Variants in FGD5 observed in about 807,000 individuals in gnomAD.
FGD5 encodes the protein FYVE, RhoGEF and PH domain containing 5.
A neutral mutation model predicts 133.4 loss-of-function variants in FGD5; 28 were observed. That is an observed-to-expected ratio of 0.21 (90% confidence interval 0.16 to 0.29). The LOEUF is 0.29. Among genes scored for constraint, FGD5 ranks in the 10% least tolerant of loss-of-function variants. The pLI is 1.00. For missense variants in FGD5, 1,858 were observed against 1,895.2 expected, an observed-to-expected ratio of 0.98 and a Z score of 0.36; for synonymous variants, 810 against 776.5, an observed-to-expected ratio of 1.04 and a Z score of -0.72.
chr3:14,849,147 C>G (rs992529471), intron 1 of FGD5, among the ~76,000 whole-genome samples: 5 of 152,194 alleles, frequency 3.3e-5, no homozygotes, highest in Admixed American at 1.3e-4. Flanking sequence ...CTCAGTGTGT[C>G]CGTCTCTGTC....
chr3:14,831,415 G>A (rs1314062152), intron 1 of FGD5, among the ~76,000 whole-genome samples: 6 of 152,188 alleles, frequency 3.9e-5, no homozygotes, highest in Non-Finnish European at 5.9e-5. Context: ...TTCTTGGGGT[G>A]TAGAGAGGCT....
rs148685841 is a variant in FGD5, at chr3:14,913,839, C to G, written c.3405+2910C>G. On this transcript the variant is annotated intron_variant, in intron 11 of 19. Transcript: ENST00000285046. ...TCTTTGAGAAGGGTGCCAGCTCCTC[C>G]CCTTCAAGCCAAGCTCAGATAGCAC... Among the ~76,000 whole-genome samples, 322 of 152,286 alleles carry G rather than the reference C, an allele frequency of 2.1e-3. 4 individuals are homozygous for G. The highest frequency in any genetic ancestry group is 7.1e-3 in the African/African-American group (294 of 41,534).
At chr3:14,882,696 T>TG (rs904565906) in intron 4 of FGD5, among the ~76,000 whole-genome samples, 2 of 125,294 alleles carry the variant, frequency 1.6e-5, no homozygotes, top group African/African-American at 6.0e-5. Context: ...AGACTCTGTC[T>TG]GAAAAAAAAA....
At chr3:14,899,324 T>A (rs1575242423) in intron 7 of FGD5, among the ~76,000 whole-genome samples, 2 of 152,258 alleles carry the variant, frequency 1.3e-5, no homozygotes, top group South Asian at 4.2e-4. Context: ...CACTGCTCCA[T>A]AAACGTCAGA....
rs764559001 is a variant in FGD5 at position 14,843,243 on chromosome 3, C to T, written c.2526-20885C>T. Among the ~76,000 whole-genome samples the T allele has an allele frequency of 4.6e-5, 7 of 152,108 alleles. No individual in the cohort carries two copies. In the East Asian group the frequency reaches 7.7e-4, roughly 17 times the overall value. ...AGTACTTGGCACATAGCAGGGTCTC[C>T]ATATATAGTGAACGGAATTGCACTG... On this transcript the variant is annotated intron_variant, in intron 1 of 19. Coordinates refer to ENST00000285046, the MANE Select transcript of FGD5 (RefSeq NM_152536.4).
chr3:14,864,986 A>G (rs2037466206), intron 2 of FGD5, among the ~76,000 whole-genome samples: 5 of 152,200 alleles, frequency 3.3e-5, no homozygotes, highest in Admixed American at 2.6e-4. Context: ...GGTGAAGAGC[A>G]GGCCTAGGCA....
rs2125167055 is a variant in FGD5, at chr3:14,933,064, T to C, written c.4353-67T>C. On this transcript the variant is annotated intron_variant, in intron 19 of 19. Coordinates refer to ENST00000285046, the MANE Select transcript of FGD5 (RefSeq NM_152536.4). ...AGGAATCTACTAGTCCAGTCTTTTC[T>C]AGGTTCTGTGACCAGAGTCATAGGC... 3 of 1,559,854 alleles carry C rather than the reference T, an allele frequency of 1.9e-6. No homozygotes were observed. The South Asian group carries it at 3.4e-5, about 18-fold the overall frequency.
chr3:14,817,571 A>T (rs141010947), upstream of FGD5, among the ~76,000 whole-genome samples: 1 of 152,332 alleles, frequency 6.6e-6, no homozygotes, highest in East Asian at 1.9e-4. Context: ...CTCACATTCC[A>T]GGGACAGCCC....
At chr3:14,834,723 T>A (rs977945802) in intron 1 of FGD5, among the ~76,000 whole-genome samples, 6 of 152,198 alleles carry the variant, frequency 3.9e-5, no homozygotes, top group African/African-American at 1.4e-4. Flanking sequence ...AAATGGCTCC[T>A]GTTCATTTTT....
chr3:14,819,653 C>A lies in FGD5; in HGVS notation c.582C>A (p.Leu194=). 1 of 1,549,148 alleles carries A rather than the reference C, an allele frequency of 6.5e-7. No homozygotes were observed. The highest frequency in any genetic ancestry group is 1.2e-5 in the South Asian group (1 of 83,590). ...WAGEGVFQSD[L]LLPHIHGEDQ... ...GAGAGGGGGTCTTCCAGAGCGACCTCCTCCTGCCTCACATCCATGGAGAGG... is the reference window on the plus strand; with the variant it reads ...GAGAGGGGGTCTTCCAGAGCGACCTACTCCTGCCTCACATCCATGGAGAGG... Residue 194 remains leucine, a synonymous_variant, in exon 1 of 20, where the codon CTC becomes CTA. Transcript: ENST00000285046. The surrounding 1 kb of genome is among the most constrained non-coding windows in gnomAD (Gnocchi z 4.1).
chr3:14,846,135 C>T (rs929699323), intron 1 of FGD5, among the ~76,000 whole-genome samples: 1 of 152,156 alleles, frequency 6.6e-6, no homozygotes, highest in Non-Finnish European at 1.5e-5. Context: ...AGGGGCACAC[C>T]TGTCGTGTTA....
Position 14,921,988 on chromosome 3 carries a change from G to A in FGD5, c.3640G>A (p.Ala1214Thr). Residue 1214 changes from alanine to threonine, a missense_variant, in exon 14 of 20, where the codon GCG becomes ACG. Ala to Thr is a moderately conservative substitution (Grantham distance 58, BLOSUM62 0). Coordinates refer to ENST00000285046, the MANE Select transcript of FGD5 (RefSeq NM_152536.4). ...CCTCCCTGAGGACTACAAGGCCCAG[G>A]CGCTGGCTGCATTCCACCATAGCGT... is the stretch of plus-strand genomic sequence containing the variant. Reference protein sequence around the residue: ...RALPEDYKAQALAAFHHSVEI... With the variant: ...RALPEDYKAQTLAAFHHSVEI... 1 of 1,566,216 alleles carries A rather than the reference G, an allele frequency of 6.4e-7. No individual in the cohort carries two copies. The highest frequency in any genetic ancestry group is 1.2e-5 in the South Asian group (1 of 84,950).
intron 2 of FGD5, among the ~76,000 whole-genome samples, chr3:14,868,855 G>A (rs2037550612): frequency 6.6e-6 from 1 of 152,126 alleles, no homozygotes; most frequent in East Asian, 1.9e-4. Flanking sequence ...CAACATGCAA[G>A]CACCCTTTCA....
rs1363125820 is a variant in FGD5 at position 14,864,210 on chromosome 3, A to T, written c.2608A>T (p.Ser870Cys). The change falls in exon 2 of 20, where the codon AGC becomes TGC. Residue 870 changes from serine to cysteine, a missense_variant. Ser to Cys is a moderately radical substitution (Grantham distance 112). Around this residue, in one of 3 missense-constraint regions of FGD5, gnomAD observed 1,824 missense variants for 1,848.9 expected, o/e 0.99. Transcript: ENST00000285046. Reference sequence around the variant, plus strand: ...CCTTACGTCGGATGAAGAGCAGAGAAGCTCGGAGGAGGAGGACAGTGCTTC... The same window carrying T: ...CCTTACGTCGGATGAAGAGCAGAGATGCTCGGAGGAGGAGGACAGTGCTTC... ...EDLTSDEEQR[S>C]SEEEDSASRD... The T allele has an allele frequency of 1.2e-6, 2 of 1,614,042 alleles. No individual in the cohort carries two copies. Among genetic ancestry groups the T allele is most frequent in the South Asian group, 2.2e-5 (2 of 91,084 alleles).
Position 14,819,270 on chromosome 3 carries a change from G to A in FGD5, c.199G>A (p.Val67Met), listed in dbSNP as rs1477801496. 3 of 1,533,482 alleles carry A rather than the reference G, an allele frequency of 2.0e-6. No homozygotes were observed. The highest frequency in any genetic ancestry group is 2.0e-5 in the Admixed American group (1 of 49,278). The allele number at this position is 1,533,482 out of a possible 1,614,324, so 95.0% of individuals were successfully genotyped here. A position where few individuals can be genotyped will look rare whatever the true frequency, so the allele number is the denominator to read the frequency against. Residue 67 changes from valine to methionine, a missense_variant, in exon 1 of 20, where the codon GTG becomes ATG. Val to Met is a conservative substitution (Grantham distance 21, BLOSUM62 1). This residue lies in a region of FGD5 where 1,824 missense variants were observed against 1,848.9 expected (regional missense o/e 0.99). Coordinates refer to ENST00000285046, the MANE Select transcript of FGD5 (RefSeq NM_152536.4). The surrounding 1 kb of genome is among the most constrained non-coding windows in gnomAD (Gnocchi z 4.1). The stretch of plus-strand genomic sequence containing the variant: ...GTCGGAGACCGACGAGGATTACATC[G>A]TGGTCCCCAGGGTTCCGCTGAGGGA... The part of the protein sequence containing the change: ...SESETDEDYI[V>M]VPRVPLREDE...
chr3:14,881,459 C>G (rs2037823181), intron 4 of FGD5, among the ~76,000 whole-genome samples: 1 of 152,140 alleles, frequency 6.6e-6, no homozygotes, highest in South Asian at 2.1e-4. Flanking sequence ...AGCTGTCTGG[C>G]CAGCAAAGGG....
intron 11 of FGD5, among the ~76,000 whole-genome samples, chr3:14,915,418 C>T (rs2038533789): frequency 2.0e-5 from 3 of 152,252 alleles, no homozygotes; most frequent in South Asian, 2.1e-4. Flanking sequence ...TCCATGCCTG[C>T]GTGGCTCTCC....
chr3:14,905,260 G>C (rs1487887151), intron 9 of FGD5, among the ~76,000 whole-genome samples: 1 of 152,178 alleles, frequency 6.6e-6, no homozygotes, highest in Non-Finnish European at 1.5e-5. Context: ...ATGAGTATCT[G>C]TCTTTGTGTA....
In FGD5 at chr3:14,901,048, G is replaced by A. The variant is rs372975259; in HGVS notation, c.3251G>A (p.Ser1084Asn). 9 of 1,613,876 alleles carry A rather than the reference G, an allele frequency of 5.6e-6. No homozygotes were observed. In the African/African-American group the frequency reaches 6.7e-5, roughly 12 times the overall value. The change falls in exon 9 of 20, where the codon AGC becomes AAC. Residue 1084 changes from serine (S) to asparagine (N), a missense_variant. By Grantham distance (46) the Ser-to-Asn change is conservative (BLOSUM62 1). Coordinates refer to ENST00000285046, the MANE Select transcript of FGD5 (RefSeq NM_152536.4). ...ISKVTDRAND[S>N]MEQGENLQKL... ...AAAGTCACAGACCGTGCCAACGACA[G>A]CATGGAGCAAGGGGTGAGTGCGGCC... is the stretch of plus-strand genomic sequence containing the variant.
Sources: gnomAD v4.1 joint callset for allele counts (sites outside exome capture counted in the v4.1 genomes callset) on GRCh38, gnomAD v4.1.1 for gene constraint, gnomAD v4.1.1 regional missense constraint, Gnocchi (gnomAD v3.1) non-coding constraint, MANE v1.5 for transcripts, NCBI Gene and HGNC (gene_info 2026-07-23, HGNC 2026-07-21) for gene names.